Variants in ABLIM2 observed in about 807,000 individuals in gnomAD.
ABLIM2 encodes the protein actin binding LIM protein family member 2.
In ABLIM2, 53 loss-of-function variants were observed where a neutral mutation model predicts 97.7. The observed-to-expected ratio is 0.54, with a 90% confidence interval of 0.44 to 0.68. ABLIM2 has a LOEUF of 0.68. ABLIM2 is among the 30% of genes least tolerant of loss of function. ABLIM2 has a pLI of 0.00. For synonymous variants in ABLIM2, 361 were observed against 345.8 expected (o/e 1.04, Z -0.49); for missense variants, 835 against 867.2 (o/e 0.96, Z 0.47).
intron 6 of ABLIM2, among the ~76,000 whole-genome samples, chr4:8,070,614 C>T (rs1577127557): frequency 6.6e-6 from 1 of 152,224 alleles, no homozygotes; most frequent in South Asian, 2.1e-4. Context: ...TTCAACTGGT[C>T]CCTGACCCAG....
At chr4:8,050,987 G>A (rs1270528598) in intron 8 of ABLIM2, among the ~76,000 whole-genome samples, 1 of 152,246 alleles carries the variant, frequency 6.6e-6, no homozygotes, top group Non-Finnish European at 1.5e-5. Context: ...CTCCTCTGCT[G>A]GCAGCATCCG....
intron 11 of ABLIM2, among the ~76,000 whole-genome samples, chr4:8,028,594 TTCAC>T (rs796952097): frequency 7.9e-5 from 12 of 152,106 alleles, no homozygotes; most frequent in African/African-American, 2.9e-4. Flanking sequence ...CAATCACTCA[TTCAC>T]TCACTCACTC....
chr4:8,099,445 G>A (rs1047168488), intron 2 of ABLIM2, among the ~76,000 whole-genome samples: 4 of 152,178 alleles, frequency 2.6e-5, no homozygotes, highest in Non-Finnish European at 1.5e-5. Context: ...GTCCACTCCC[G>A]GGAGCACCAG....
At chr4:8,066,905 C>T (rs1208685063) in intron 6 of ABLIM2, among the ~76,000 whole-genome samples, 2 of 152,168 alleles carry the variant, frequency 1.3e-5, no homozygotes, top group African/African-American at 2.4e-5. Flanking sequence ...ACGTGAATGT[C>T]ACCTCAACTT....
chr4:7,987,568 G>A (rs1458077159), intron 17 of ABLIM2, among the ~76,000 whole-genome samples: 1 of 152,194 alleles, frequency 6.6e-6, no homozygotes, highest in African/African-American at 2.4e-5. Flanking sequence ...AAAGAGAAAT[G>A]CTGCCCCCTA....
At position 8,032,447 on chromosome 4, in the gene ABLIM2, G is replaced by A. The variant is rs28478655; in HGVS notation, c.1048-2671C>T. ...CATCCGCAGGGCTGGCAGACATATC[G>A]GGGAGGCATGCAAGTGCGGGGTGAT... On this transcript the variant is annotated intron_variant, in intron 10 of 20. Transcript: ENST00000447017. This position sits in a 1 kb window ranked among gnomAD's most constrained non-coding sequence, Gnocchi z 4.3. Among the ~76,000 whole-genome samples, 6,122 of 152,228 alleles carry A rather than the reference G, an allele frequency of 0.04. 397 individuals carry two copies. The highest frequency in any genetic ancestry group is 0.14 in the African/African-American group (5,790 of 41,512).
chr4:8,089,522 G>A (rs1469001866), intron 3 of ABLIM2, among the ~76,000 whole-genome samples: 1 of 152,042 alleles, frequency 6.6e-6, no homozygotes, highest in Non-Finnish European at 1.5e-5. Flanking sequence ...ATCACTTGAG[G>A]TCAGGAGTTT....
At chr4:8,016,839 A>G (rs545205930) in intron 14 of ABLIM2, among the ~76,000 whole-genome samples, 1 of 152,292 alleles carries the variant, frequency 6.6e-6, no homozygotes, top group African/African-American at 2.4e-5. Context: ...TCTGCCGCCG[A>G]TGAACTCTGT....
chr4:8,133,848 G>A (rs976770647), intron 1 of ABLIM2, among the ~76,000 whole-genome samples: 2 of 152,222 alleles, frequency 1.3e-5, no homozygotes, highest in African/African-American at 4.8e-5. Context: ...GGCTAGTTAG[G>A]CAGTGTCCCT....
rs1847401159 is a variant in ABLIM2, at chr4:8,125,385, A to C, written c.11-18748T>G. On this transcript the variant is annotated intron_variant, in intron 1 of 20. Transcript: ENST00000447017. The surrounding 1 kb of genome is among the most constrained non-coding windows in gnomAD (Gnocchi z 6.2). ...TTTACATGAATAATTTTACACAAAT[A>C]GAATTGCATCTATGTGACTGCTAGT... 6.6e-6 allele frequency among the ~76,000 whole-genome samples: 1 copy of C among 152,282 alleles called. No homozygotes were observed. Among genetic ancestry groups the C allele is most frequent in the South Asian group, 2.1e-4 (1 of 4,832 alleles).
Position 8,127,800 on chromosome 4 carries a change from ACACC to A in ABLIM2, c.11-21167_11-21164del. On this transcript the variant is annotated intron_variant, in intron 1 of 20. Coordinates refer to ENST00000447017, the MANE Select transcript of ABLIM2 (RefSeq NM_001130083.2). This position sits in a 1 kb window ranked among gnomAD's most constrained non-coding sequence, Gnocchi z 7.3. ...TCCCGCCACACTATGCGCCAGAGAC[ACACC>A]TGTCTCCCAGGCATCCGGGAAAGGG... is the stretch of plus-strand genomic sequence containing the variant. 6 of 838,108 alleles carry A rather than the reference ACACC, an allele frequency of 7.2e-6. No homozygotes were observed. Among genetic ancestry groups the A allele is most frequent in the South Asian group, 5.5e-5 (1 of 18,224 alleles). The allele number at this position is 838,108 out of a possible 1,614,324, so 51.9% of individuals were successfully genotyped here.
intron 14 of ABLIM2, among the ~76,000 whole-genome samples, chr4:8,017,297 TATTA>T (rs1770070078): frequency 6.7e-6 from 1 of 149,746 alleles, no homozygotes. Flanking sequence ...TTATTATTAT[TATTA>T]TTTTTTTTTT....
intron 9 of ABLIM2, among the ~76,000 whole-genome samples, chr4:8,040,129 C>T (rs1264032191): frequency 6.6e-6 from 1 of 152,164 alleles, no homozygotes; most frequent in Non-Finnish European, 1.5e-5. Context: ...CGGTCTCTTC[C>T]TCACGGTGAA....
chr4:8,145,042 G>A (rs779006963), intron 1 of ABLIM2, among the ~76,000 whole-genome samples: 19 of 152,134 alleles, frequency 1.2e-4, no homozygotes, highest in Non-Finnish European at 2.6e-4. Context: ...GGGGCGGGTC[G>A]TGCCTCCTGT....
At chr4:7,976,505 C>T (rs1467660316) in intron 20 of ABLIM2, among the ~76,000 whole-genome samples, 1 of 152,184 alleles carries the variant, frequency 6.6e-6, no homozygotes, top group Non-Finnish European at 1.5e-5. Flanking sequence ...TTAACACAAT[C>T]CAGGGCCCTG....
rs1244122244 is a variant in ABLIM2, at chr4:7,970,426, GGT to G, written c.1825-3325_1825-3324del. ...AAGGGAGGAGGACTGGTGAGTGAGT[GGT>G]CTCTTGGGTTTAGCTGGCATCAGGT... is the stretch of plus-strand genomic sequence containing the variant. On this transcript the variant is annotated intron_variant, in intron 20 of 20. Coordinates refer to ENST00000447017, the MANE Select transcript of ABLIM2 (RefSeq NM_001130083.2). This position sits in a 1 kb window ranked among gnomAD's most constrained non-coding sequence, Gnocchi z 5.3. Among the ~76,000 whole-genome samples, 3 of 152,014 alleles carry G rather than the reference GGT, an allele frequency of 2.0e-5. No individual in the cohort carries two copies. Among genetic ancestry groups the G allele is most frequent in the Non-Finnish European group, 4.4e-5 (3 of 67,982 alleles).
chr4:8,037,822 T>TGGC (rs1785522829), intron 9 of ABLIM2, among the ~76,000 whole-genome samples: 1 of 152,222 alleles, frequency 6.6e-6, no homozygotes, highest in South Asian at 2.1e-4. Context: ...TGGCCCACAG[T>TGGC]GGCGCTCCTG....
In ABLIM2 at chr4:7,983,659, C is replaced by T. The variant is rs1052667752; in HGVS notation, c.1736-105G>A. ...CTGGGGTACCCCTGTCTCCCCCCTG[C>T]AGTCACCTGGGCCATGCATGGTCCC... On this transcript the variant is annotated intron_variant, in intron 18 of 20. Coordinates refer to ENST00000447017, the MANE Select transcript of ABLIM2 (RefSeq NM_001130083.2). 3.6e-6 allele frequency: 5 copies of T among 1,390,934 alleles called. No individual in the cohort carries two copies. The African/African-American group carries it at 7.1e-5, about 20-fold the overall frequency. 86.2% of individuals were successfully genotyped at this position (1,390,934 alleles called of 1,614,324 possible).
chr4:8,065,530 G>A (rs1806515353), intron 6 of ABLIM2, among the ~76,000 whole-genome samples: 2 of 152,210 alleles, frequency 1.3e-5, no homozygotes, highest in Non-Finnish European at 2.9e-5. Context: ...TACTGTGGAA[G>A]ACAGTGTATT....
Sources: allele counts gnomAD v4.1 joint callset (sites outside exome capture counted in the v4.1 genomes callset), GRCh38; gene constraint gnomAD v4.1.1; non-coding constraint Gnocchi (gnomAD v3.1); transcripts MANE v1.5; gene names NCBI Gene and HGNC (gene_info 2026-07-23, HGNC 2026-07-21).